Variants in DUSP10 observed in about 807,000 individuals in gnomAD.
The protein encoded by DUSP10 is dual specificity phosphatase 10.
Under a neutral mutation model 30.8 loss-of-function variants are expected in DUSP10, and 14 were observed. The ratio of observed to expected loss-of-function variants is 0.46; its 90% CI spans 0.30 to 0.71. DUSP10 has a LOEUF of 0.71. DUSP10 is among the 30% of genes least tolerant of loss of function. DUSP10 has a pLI of 0.08. For synonymous variants in DUSP10, 254 were observed against 250.4 expected (o/e 1.01, Z -0.14); for missense variants, 550 against 619.4 (o/e 0.89, Z 1.19).
intron 2 of DUSP10, among the ~76,000 whole-genome samples, chr1:221,724,566 A>G (rs1229671046): frequency 1.3e-5 from 2 of 152,198 alleles, no homozygotes; most frequent in African/African-American, 4.8e-5. Flanking sequence ...CAAGTGCTCA[A>G]TGGCCACGTT....
intron 2 of DUSP10, among the ~76,000 whole-genome samples, chr1:221,717,622 A>C (rs1294026260): frequency 6.6e-6 from 1 of 152,114 alleles, no homozygotes. Context: ...CACACACACA[A>C]ATTCGTATGC....
At chr1:221,707,020 T>A (rs1467955292) in intron 2 of DUSP10, among the ~76,000 whole-genome samples, 3 of 152,202 alleles carry the variant, frequency 2.0e-5, no homozygotes, top group African/African-American at 7.2e-5. Flanking sequence ...CTGGGTACCA[T>A]CATTTCCTGA....
rs542522267 is a variant in DUSP10, at chr1:221,728,045, T to C, written c.811+10889A>G. ...CATGGCCATTCCATGGAGTGGATCA[T>C]CACAGGGGTGGGTCCTAATAAAAAG... On this transcript the variant is annotated intron_variant, in intron 2 of 3. Transcript: ENST00000366899. Among the ~76,000 whole-genome samples, 12 of 152,272 alleles carry C rather than the reference T, an allele frequency of 7.9e-5. No individual in the cohort carries two copies. The South Asian group carries it at 2.5e-3, about 32-fold the overall frequency.
chr1:221,712,856 T>C (rs191786894), intron 2 of DUSP10, among the ~76,000 whole-genome samples: 2 of 151,392 alleles, frequency 1.3e-5, no homozygotes, highest in African/African-American at 4.9e-5. Context: ...TGTGTGACTT[T>C]TTGAAAGTTA....
At chr1:221,736,823 A>C in intron 2 of DUSP10, 2 of 985,422 alleles carry the variant, frequency 2.0e-6, no homozygotes, top group Non-Finnish European at 2.4e-6. Flanking sequence ...AAAGGCCCCC[A>C]AAACTACAAA....
intron 2 of DUSP10, among the ~76,000 whole-genome samples, chr1:221,724,723 G>A (rs1246593851): frequency 6.6e-6 from 1 of 152,202 alleles, no homozygotes; most frequent in African/African-American, 2.4e-5. Flanking sequence ...ATGTGAATGT[G>A]TGTGCATGCA....
At chr1:221,737,308 C>T (rs1047951109) in intron 2 of DUSP10, 1 of 985,308 alleles carries the variant, frequency 1.0e-6, no homozygotes, top group African/African-American at 1.7e-5. Flanking sequence ...TGATCATTGG[C>T]TATCCTCCTC....
chr1:221,720,266 A>G (rs549931272), intron 2 of DUSP10, among the ~76,000 whole-genome samples: 2 of 152,262 alleles, frequency 1.3e-5, no homozygotes, highest in Admixed American at 1.3e-4. Context: ...AAAACAGCTT[A>G]ATTAGAGGAT....
At chr1:221,726,825 A>G (rs773478625) in intron 2 of DUSP10, among the ~76,000 whole-genome samples, 4 of 152,176 alleles carry the variant, frequency 2.6e-5, no homozygotes, top group Non-Finnish European at 4.4e-5. Flanking sequence ...CTTGTACTGC[A>G]TTAGTGGTGA....
At chr1:221,736,312 T>A (rs1661769314) in intron 2 of DUSP10, among the ~76,000 whole-genome samples, 1 of 152,264 alleles carries the variant, frequency 6.6e-6, no homozygotes, top group East Asian at 1.9e-4. Flanking sequence ...TTACCCAAGA[T>A]TGTACTGAAA....
In DUSP10 at chr1:221,739,631, G is replaced by C. The variant is rs1661891265; in HGVS notation, c.114C>G (p.Gly38=). 6.2e-7 allele frequency: 1 copy of C among 1,614,186 alleles called. No homozygotes were observed. Among genetic ancestry groups the C allele is most frequent in the Non-Finnish European group, 8.5e-7 (1 of 1,180,016 alleles). ...DSSYLGSANP[G]SNSHPPVIAT... ...CGATGACAGGAGGGTGGCTGTTACT[G>C]CCTGGGTTGGCAGAGCCAAGGTAAC... The change falls in exon 2 of 4, where the codon GGC becomes GGG. Residue 38 remains glycine (G), a synonymous_variant. Coordinates refer to ENST00000366899, the MANE Select transcript of DUSP10 (RefSeq NM_007207.6).
intron 1 of DUSP10, among the ~76,000 whole-genome samples, chr1:221,740,988 G>A (rs986560933): frequency 6.6e-6 from 1 of 152,134 alleles, no homozygotes; most frequent in South Asian, 2.1e-4. Context: ...AGAGCTATCA[G>A]GAAAAATGCC....
chr1:221,727,738 T>C (rs1293695307), intron 2 of DUSP10, among the ~76,000 whole-genome samples: 1 of 152,202 alleles, frequency 6.6e-6, no homozygotes, highest in Admixed American at 6.5e-5. Context: ...TTTCTTAAAA[T>C]TGATTACTTT....
intron 3 of DUSP10, among the ~76,000 whole-genome samples, chr1:221,703,480 C>T (rs1660668615): frequency 1.3e-5 from 2 of 152,108 alleles, no homozygotes; most frequent in Admixed American, 1.3e-4. Context: ...CCAGAAAATC[C>T]AGTTGTTGCA....
chr1:221,732,018 A>T (rs1661623072), intron 2 of DUSP10, among the ~76,000 whole-genome samples: 1 of 152,264 alleles, frequency 6.6e-6, no homozygotes, highest in African/African-American at 2.4e-5. Context: ...TGGCAGAAGA[A>T]GATGAAGAAT....
intron 2 of DUSP10, among the ~76,000 whole-genome samples, chr1:221,716,608 A>C (rs1661114312): frequency 6.6e-6 from 1 of 152,198 alleles, no homozygotes; most frequent in South Asian, 2.1e-4. Context: ...AAATAAGAGT[A>C]AGTATTTTTG....
chr1:221,710,580 T>A (rs1660906616), intron 2 of DUSP10, among the ~76,000 whole-genome samples: 1 of 152,132 alleles, frequency 6.6e-6, no homozygotes, highest in South Asian at 2.1e-4. Flanking sequence ...AGTAAACTAA[T>A]GTTCCTGAGT....
chr1:221,713,505 G>A (rs930087357), intron 2 of DUSP10, among the ~76,000 whole-genome samples: 2 of 152,140 alleles, frequency 1.3e-5, no homozygotes, highest in African/African-American at 4.8e-5. Flanking sequence ...TGAAATGGAC[G>A]TACAGAAAAG....
At chr1:221,709,832 C>G (rs72736541) in intron 2 of DUSP10, among the ~76,000 whole-genome samples, 1 of 151,980 alleles carries the variant, frequency 6.6e-6, no homozygotes, top group African/African-American at 2.4e-5. Flanking sequence ...CCGACCCTAC[C>G]CCATCAAGTA....
Sources: allele counts gnomAD v4.1 joint callset (sites outside exome capture counted in the v4.1 genomes callset), GRCh38; gene constraint gnomAD v4.1.1; transcripts MANE v1.5; gene names NCBI Gene and HGNC (gene_info 2026-07-23, HGNC 2026-07-21).